Variants in DIDO1 observed in about 807,000 individuals in gnomAD.
DIDO1 encodes the protein death-inducer obliterator 1.
A neutral mutation model predicts 99.4 loss-of-function variants in DIDO1; 16 were observed. That is an observed-to-expected ratio of 0.16 (90% confidence interval 0.11 to 0.24). The LOEUF is 0.24. Ranked by LOEUF, DIDO1 falls within the 10% of genes least tolerant of loss-of-function variation. The probability of loss-of-function intolerance (pLI) is 1.00; values close to 1 mark genes in which losing one functional copy is unlikely to be tolerated. For synonymous variants in DIDO1, 1,366 were observed against 1,239.1 expected, an observed-to-expected ratio of 1.10 and a Z score of -2.15; for missense variants, 2,996 against 3,014.0, an observed-to-expected ratio of 0.99 and a Z score of 0.14.
At chr20:62,936,189 G>A (rs1397123405) in intron 1 of DIDO1, among the ~76,000 whole-genome samples, 3 of 152,216 alleles carry the variant, frequency 2.0e-5, no homozygotes, top group East Asian at 1.9e-4. Flanking sequence ...GAGGCGGGAG[G>A]ATGGCTTGAG....
Position 62,880,866 on chromosome 20 carries a change from G to A in DIDO1, c.5090C>T (p.Ser1697Leu), listed in dbSNP as rs1600898666. Residue 1697 changes from serine (S) to leucine (L), a missense_variant, in exon 16 of 16, where the codon TCA (serine) becomes TTA (leucine). Ser to Leu is a moderately radical substitution (Grantham distance 145). Transcript: ENST00000395343. ...ATTTCTTGGGTCCTCATACTGGGCT[G>A]AGCCGAGAGCCTTGTCCTGCGACGC... ...GFASQDKALG[S>L]AQYEDPRNLH... 6.2e-7 allele frequency: 1 copy of A among 1,612,658 alleles called. No homozygotes were observed. The highest frequency in any genetic ancestry group is 8.5e-7 in the Non-Finnish European group (1 of 1,179,980).
At chr20:62,935,582 G>A (rs1168470003) in intron 1 of DIDO1, among the ~76,000 whole-genome samples, 1 of 152,122 alleles carries the variant, frequency 6.6e-6, no homozygotes. Context: ...CCTAGGGAAG[G>A]CTGTTAGCTA....
In DIDO1 at chr20:62,905,322, C is replaced by CG; in HGVS notation, c.1588+564dup. The CG allele has an allele frequency of 3.5e-6, 5 of 1,423,606 alleles. No individual in the cohort carries two copies. In the South Asian group the frequency reaches 7.6e-5, roughly 22 times the overall value. 88.2% of individuals were successfully genotyped at this position (1,423,606 alleles called of 1,614,324 possible). A position where few individuals can be genotyped will look rare whatever the true frequency, so the allele number is the denominator to read the frequency against. On this transcript the variant is annotated intron_variant, in intron 6 of 15. Transcript: ENST00000395343. ...CGAATGTGTTCATGTGGGTGTGTAG[C>CG]GTGTGAATCGGACATGGAAAAAAAA...
intron 1 of DIDO1, among the ~76,000 whole-genome samples, chr20:62,922,263 T>C (rs991969947): frequency 5.4e-5 from 8 of 147,916 alleles, no homozygotes; most frequent in African/African-American, 1.0e-4. Flanking sequence ...CACATATATA[T>C]ACACACACAC....
rs915560936 is a variant in DIDO1, at chr20:62,879,809, C to T, written c.6147G>A (p.Ala2049=). The T allele has an allele frequency of 1.9e-6, 3 of 1,609,892 alleles. No individual in the cohort carries two copies. Among genetic ancestry groups the T allele is most frequent in the African/African-American group, 1.3e-5 (1 of 74,848 alleles). ...DRWEEAGPPS[A]LSSSAPGQGP... ...CCTGTCCGGGCGCACTGGAGGAGAGCGCGGAGGGCGGCCCGGCCTCCTCCC... is the reference window on the plus strand; with the variant it reads ...CCTGTCCGGGCGCACTGGAGGAGAGTGCGGAGGGCGGCCCGGCCTCCTCCC... The change falls in exon 16 of 16, where the codon GCG becomes GCA. Residue 2049 remains alanine (A), a synonymous_variant. Transcript: ENST00000395343. This position sits in a 1 kb window ranked among gnomAD's most constrained non-coding sequence, Gnocchi z 6.3.
chr20:62,895,554 G>A (rs1265345266), intron 8 of DIDO1, among the ~76,000 whole-genome samples: 1 of 152,208 alleles, frequency 6.6e-6, no homozygotes, highest in Non-Finnish European at 1.5e-5. Flanking sequence ...AAGGAAGGAA[G>A]AAATCATTTC....
At chr20:62,905,826 G>C in intron 6 of DIDO1, 61 bp downstream of exon 6, 1 of 1,613,948 alleles carries the variant, frequency 6.2e-7, no homozygotes, top group Non-Finnish European at 8.5e-7. Context: ...ACAGGCCCAG[G>C]GGATGGCTAT....
At chr20:62,888,626 C>G (rs886709195) in intron 15 of DIDO1, 1 of 985,598 alleles carries the variant, frequency 1.0e-6, no homozygotes, top group Non-Finnish European at 1.2e-6. Flanking sequence ...TCCGCTGAGA[C>G]AGGGGAAACA....
chr20:62,901,369 C>G (rs994234146), intron 6 of DIDO1, among the ~76,000 whole-genome samples: 5 of 152,196 alleles, frequency 3.3e-5, no homozygotes, highest in African/African-American at 1.2e-4. Flanking sequence ...GCCACGTGGA[C>G]AGATGGACGT....
Position 62,898,209 on chromosome 20 carries a change from G to C in DIDO1, c.1589-1213C>G, listed in dbSNP as rs189014315. 1.1e-4 allele frequency among the ~76,000 whole-genome samples: 16 copies of C among 152,334 alleles called. No homozygotes were observed. The East Asian group carries it at 2.9e-3, about 28-fold the overall frequency. On this transcript the variant is annotated intron_variant, in intron 6 of 15. Transcript: ENST00000395343. Reference sequence around the variant, plus strand: ...GAGGTAAGTCTGAAAGCTCAGGAAAGAGCCAAGACTCTACAAATAAGGCCT... The same window carrying C: ...GAGGTAAGTCTGAAAGCTCAGGAAACAGCCAAGACTCTACAAATAAGGCCT...
At chr20:62,902,458 T>C (rs934481568) in intron 6 of DIDO1, among the ~76,000 whole-genome samples, 2 of 152,184 alleles carry the variant, frequency 1.3e-5, no homozygotes, top group African/African-American at 2.4e-5. Flanking sequence ...CTGACAACTC[T>C]GGAGGAGACA....
Position 62,911,114 on chromosome 20 carries a change from G to T in DIDO1, c.499C>A (p.Arg167Ser). ...DGLTLKELQNRLRRKREQEPT... is the reference protein window; with the variant it reads ...DGLTLKELQNSLRRKREQEPT... ...TCCTGTTCCCGCTTCCTGCGAAGGC[G>T]ATTCTGAAGCTCTTTCAAGGTCAGG... is the stretch of plus-strand genomic sequence containing the variant. Residue 167 changes from arginine to serine, a missense_variant, in exon 3 of 16, where the codon CGC (arginine) becomes AGC (serine). Transcript: ENST00000395343. This position sits in a 1 kb window ranked among gnomAD's most constrained non-coding sequence, Gnocchi z 7.0. The T allele has an allele frequency of 6.2e-7, 1 of 1,614,040 alleles. No individual in the cohort carries two copies. The highest frequency in any genetic ancestry group is 8.5e-7 in the Non-Finnish European group (1 of 1,180,028).
At chr20:62,883,457 C>T (rs2064245627) in intron 15 of DIDO1, among the ~76,000 whole-genome samples, 1 of 152,012 alleles carries the variant, frequency 6.6e-6, no homozygotes, top group African/African-American at 2.4e-5. Context: ...CTTTGGGAGG[C>T]CAAGGCGGGT....
At chr20:62,887,603 A>C (rs1218347452) in intron 15 of DIDO1, 1 of 985,428 alleles carries the variant, frequency 1.0e-6, no homozygotes, top group East Asian at 1.1e-4. Context: ...CAAGGCTCCG[A>C]GGCCTGCGGC....
intron 15 of DIDO1, 75 bp downstream of exon 15, chr20:62,890,885 C>G: frequency 6.2e-7 from 1 of 1,611,566 alleles, no homozygotes; most frequent in Non-Finnish European, 8.5e-7. Context: ...GGTCAGGACT[C>G]AGCAGGGCAT....
intron 1 of DIDO1, among the ~76,000 whole-genome samples, chr20:62,922,043 A>C (rs965304483): frequency 2.8e-5 from 4 of 144,216 alleles, no homozygotes; most frequent in Non-Finnish European, 4.5e-5. Context: ...CGATATATAT[A>C]CACACAATAT....
chr20:62,923,626 C>T (rs989522214), intron 1 of DIDO1, among the ~76,000 whole-genome samples: 2 of 152,238 alleles, frequency 1.3e-5, no homozygotes, highest in Admixed American at 6.5e-5. Flanking sequence ...TAACGTGGAG[C>T]TTTTCTGGAC....
intron 6 of DIDO1, chr20:62,905,383 A>C: frequency 1.4e-6 from 2 of 1,455,132 alleles, no homozygotes; most frequent in Non-Finnish European, 1.8e-6. Flanking sequence ...ATAAATGTAC[A>C]CCTGAAAATC....
At position 62,892,080 on chromosome 20, in the gene DIDO1, A is replaced by C. The variant is rs773493981; in HGVS notation, c.3256-4T>G. On this transcript the variant is annotated splice_region_variant and splice_polypyrimidine_tract_variant and intron_variant, in intron 13 of 15. Coordinates refer to ENST00000395343, the MANE Select transcript of DIDO1 (RefSeq NM_001193369.2). ...TGTGAATTGTGTCAGGCAAATCCTA[A>C]ACAGAAAGTACTTTGCGTAAATCAC... 5.0e-6 allele frequency: 8 copies of C among 1,609,912 alleles called. No homozygotes were observed. In the East Asian group the frequency reaches 1.8e-4, roughly 36 times the overall value.
Sources: allele counts gnomAD v4.1 joint callset (sites outside exome capture counted in the v4.1 genomes callset), GRCh38; gene constraint gnomAD v4.1.1; non-coding constraint Gnocchi (gnomAD v3.1); transcripts MANE v1.5; gene names NCBI Gene and HGNC (gene_info 2026-07-23, HGNC 2026-07-21).